BAG2: variants seen among roughly 807,000 people sequenced by gnomAD.
BAG2 encodes the protein BAG family molecular chaperone regulator 2.
BAG2 carries 8 observed loss-of-function variants against 16.4 expected under a neutral mutation model. The observed-to-expected ratio is 0.49, with a 90% CI of 0.29 to 0.88. The LOEUF is 0.88. Ranked by LOEUF, BAG2 falls within the 40% of genes least tolerant of loss-of-function variation. The probability of loss-of-function intolerance (pLI) is 0.09; values close to 1 mark genes in which losing one functional copy is unlikely to be tolerated. For missense variants in BAG2, 218 were observed against 248.9 expected, an observed-to-expected ratio of 0.88 and a Z score of 0.84; for synonymous variants, 82 against 89.2, an observed-to-expected ratio of 0.92 and a Z score of 0.46.
In BAG2 at chr6:57,185,365, A is replaced by C. The variant is rs1261377270; in HGVS notation, c.*1175A>C. ...GTAACTAGTCCTATTGATATACAAA[A>C]ACCACAACAACTTCCCTGGATACTA... On this transcript the variant is annotated 3_prime_UTR_variant, in exon 3 of 3. Coordinates refer to ENST00000370693, the MANE Select transcript of BAG2 (RefSeq NM_004282.4). The C allele has an allele frequency of 6.6e-6, 1 of 152,224 alleles. No individual in the cohort carries two copies. The highest frequency in any genetic ancestry group is 1.5e-5 in the Non-Finnish European group (1 of 68,036). The allele number at this position is 152,224 out of a possible 1,614,324, so 9.4% of individuals were successfully genotyped here.
In BAG2 at chr6:57,186,625, G is replaced by GTTC. The variant is rs1764619885; in HGVS notation, c.*2438_*2440dup. 6.6e-6 allele frequency: 1 copy of GTTC among 152,082 alleles called. No individual in the cohort carries two copies. The highest frequency in any genetic ancestry group is 6.5e-5 in the Admixed American group (1 of 15,284). 9.4% of individuals were successfully genotyped at this position (152,082 alleles called of 1,614,324 possible). A position where few individuals can be genotyped will look rare whatever the true frequency, so the allele number is the denominator to read the frequency against. Reference sequence around the variant, plus strand: ...GCCACCACGCTTGGCCAATGGGTTGGTTCTTAACATGTATTTTTATTTATA... The same window carrying GTTC: ...GCCACCACGCTTGGCCAATGGGTTGGTTCTTCTTAACATGTATTTTTATTTATA... On this transcript the variant is annotated 3_prime_UTR_variant, in exon 3 of 3. Transcript: ENST00000370693.
rs751539179 is a variant in BAG2 at position 57,183,820 on chromosome 6, G to A, written c.266G>A (p.Gly89Glu). ...ELNLTANRLM[G>E]RTLTVEVSVE... ...AATCTGACTGCAAACCGTTTGATGG[G>A]AAGAACTCTCACCGTTGAAGTGTCA... The change falls in exon 3 of 3, where the codon GGA becomes GAA. Residue 89 changes from glycine (G) to glutamate (E), a missense_variant. Physicochemically the swap from Gly to Glu is moderately conservative, Grantham distance 98. Transcript: ENST00000370693. The A allele has an allele frequency of 1.2e-6, 2 of 1,607,774 alleles. No homozygotes were observed. The highest frequency in any genetic ancestry group is 1.7e-6 in the Non-Finnish European group (2 of 1,177,744).
intron 1 of BAG2, among the ~76,000 whole-genome samples, chr6:57,179,508 T>A (rs923850004): frequency 6.6e-6 from 1 of 152,124 alleles, no homozygotes; most frequent in Non-Finnish European, 1.5e-5. Context: ...TTTTATGGAA[T>A]TGAACGTGCT....
rs935548196 is a variant in BAG2, at chr6:57,173,581, T to C, written c.113+771T>C. 5 of 835,912 alleles carry C rather than the reference T, an allele frequency of 6.0e-6. No individual in the cohort carries two copies. The Admixed American group carries it at 2.5e-4, about 41-fold the overall frequency. 51.8% of individuals were successfully genotyped at this position (835,912 alleles called of 1,614,324 possible). A position where few individuals can be genotyped will look rare whatever the true frequency, so the allele number is the denominator to read the frequency against. On this transcript the variant is annotated intron_variant, in intron 1 of 2. Coordinates refer to ENST00000370693, the MANE Select transcript of BAG2 (RefSeq NM_004282.4). ...TTTATTTGGTAATACAGTAGTAGACTTGTATAGAATTTCTAAACAATTTAA... is the reference window on the plus strand; with the variant it reads ...TTTATTTGGTAATACAGTAGTAGACCTGTATAGAATTTCTAAACAATTTAA...
At position 57,185,808 on chromosome 6, in the gene BAG2, G is replaced by GT. The variant is rs1420592283; in HGVS notation, c.*1619dup. On this transcript the variant is annotated 3_prime_UTR_variant, in exon 3 of 3. Transcript: ENST00000370693. Reference sequence around the variant, plus strand: ...AGGTTCTCAAGTATTGTCAGCATCCGTAAATCCCTTCCACTCTGGGAAATA... The same window carrying GT: ...AGGTTCTCAAGTATTGTCAGCATCCGTTAAATCCCTTCCACTCTGGGAAATA... 6.6e-6 allele frequency: 1 copy of GT among 152,164 alleles called. No individual in the cohort carries two copies. Among genetic ancestry groups the GT allele is most frequent in the East Asian group, 1.9e-4 (1 of 5,202 alleles). The allele number at this position is 152,164 out of a possible 1,614,324, so 9.4% of individuals were successfully genotyped here.
intron 1 of BAG2, among the ~76,000 whole-genome samples, chr6:57,177,047 A>G (rs936292528): frequency 3.3e-5 from 5 of 152,226 alleles, no homozygotes; most frequent in Non-Finnish European, 5.9e-5. Flanking sequence ...AGAATTTTAC[A>G]TTGCCTAAAA....
In BAG2 at chr6:57,189,277, T is replaced by C. The variant is rs1764738977; in HGVS notation, c.*5087T>C. 6.6e-6 allele frequency: 1 copy of C among 152,206 alleles called. No individual in the cohort carries two copies. The highest frequency in any genetic ancestry group is 2.1e-4 in the South Asian group (1 of 4,826). 9.4% of individuals were successfully genotyped at this position (152,206 alleles called of 1,614,324 possible). On this transcript the variant is annotated 3_prime_UTR_variant, in exon 3 of 3. Transcript: ENST00000370693. ...CAAGGTTATAGAAATGTTGAAGTGA[T>C]TGATAATCTTAAAATACCATACAAA...
At chr6:57,182,723 T>C (rs190303395) in intron 2 of BAG2, among the ~76,000 whole-genome samples, 1 of 152,272 alleles carries the variant, frequency 6.6e-6, no homozygotes, top group Admixed American at 6.5e-5. Context: ...CGATCTTGGC[T>C]CACTGCAACC....
chr6:57,179,022 GGT>G (rs1764363675), intron 1 of BAG2, among the ~76,000 whole-genome samples: 1 of 152,054 alleles, frequency 6.6e-6, no homozygotes, highest in African/African-American at 2.4e-5. Context: ...AAACCGAAAA[GGT>G]GTTGAAAAAT....
rs553248975 is a variant in BAG2, at chr6:57,182,244, A to G, written c.223+103A>G. ...GCTTGACTTTTGGTATGCGTACACCAGGCCACAGCATTTAATGTGAGCCAC... is the reference window on the plus strand; with the variant it reads ...GCTTGACTTTTGGTATGCGTACACCGGGCCACAGCATTTAATGTGAGCCAC... On this transcript the variant is annotated intron_variant, in intron 2 of 2. Coordinates refer to ENST00000370693, the MANE Select transcript of BAG2 (RefSeq NM_004282.4). 887 of 821,560 alleles carry G rather than the reference A, an allele frequency of 1.1e-3. 11 individuals are homozygous for G. Among genetic ancestry groups the G allele is most frequent in the South Asian group, 6.1e-3 (336 of 55,402 alleles). The allele number at this position is 821,560 out of a possible 1,614,324, so 50.9% of individuals were successfully genotyped here.
rs553332306 is a variant in BAG2 at position 57,172,647 on chromosome 6, T to G, written c.-51T>G. 1.4e-6 allele frequency: 2 copies of G among 1,409,232 alleles called. No homozygotes were observed. The highest frequency in any genetic ancestry group is 6.1e-5 in the East Asian group (2 of 32,822). 87.3% of individuals were successfully genotyped at this position (1,409,232 alleles called of 1,614,324 possible). ...GCAGCCCAAGGAGCGCTCCACTCGCTGCCGCCGGAGGGGCCGGTGACCTCT... is the reference window on the plus strand; with the variant it reads ...GCAGCCCAAGGAGCGCTCCACTCGCGGCCGCCGGAGGGGCCGGTGACCTCT... On this transcript the variant is annotated 5_prime_UTR_variant, in exon 1 of 3. Transcript: ENST00000370693.
chr6:57,174,274 A>C, intron 1 of BAG2: 1 of 1,295,760 alleles, frequency 7.7e-7, no homozygotes. Context: ...CAACCACTTC[A>C]TTCTCCTCTC....
At chr6:57,177,065 T>A (rs1326991878) in intron 1 of BAG2, among the ~76,000 whole-genome samples, 1 of 152,192 alleles carries the variant, frequency 6.6e-6, no homozygotes, top group Non-Finnish European at 1.5e-5. Flanking sequence ...AAAGTGATCA[T>A]TATAGCATTC....
intron 1 of BAG2, chr6:57,173,787 G>A (rs1764198843): frequency 1.3e-5 from 2 of 155,680 alleles, no homozygotes; most frequent in Admixed American, 6.5e-5. Flanking sequence ...GTTTTGTCTA[G>A]GTTGTGCATG....
rs577437584 is a variant in BAG2 at position 57,188,052 on chromosome 6, C to T, written c.*3862C>T. 2.3e-4 allele frequency: 35 copies of T among 152,096 alleles called. No individual in the cohort carries two copies. Among genetic ancestry groups the T allele is most frequent in the African/African-American group, 7.5e-4 (31 of 41,480 alleles). 9.4% of individuals were successfully genotyped at this position (152,096 alleles called of 1,614,324 possible). ...CAGTTATTCCACAGCGATATGTCTA[C>T]GCAAAAGATTAGCCGTAATGTTAAA... On this transcript the variant is annotated 3_prime_UTR_variant, in exon 3 of 3. Transcript: ENST00000370693.
chr6:57,181,904 C>A, intron 1 of BAG2, 128 bp from the exon 2 acceptor site: 3 of 724,608 alleles, frequency 4.1e-6, no homozygotes, highest in East Asian at 2.6e-5. Context: ...AATTTTAAAG[C>A]AGAAATGAAG....
At chr6:57,181,988 A>C (rs1424398513) in intron 1 of BAG2, 44 bp from the exon 2 acceptor site, 18 of 1,518,278 alleles carry the variant, frequency 1.2e-5, no homozygotes, top group Non-Finnish European at 1.5e-5. Context: ...AATAGGAAGA[A>C]CATCCTGCAT....
At chr6:57,176,953 C>G (rs1249193354) in intron 1 of BAG2, among the ~76,000 whole-genome samples, 1 of 152,138 alleles carries the variant, frequency 6.6e-6, no homozygotes, top group Non-Finnish European at 1.5e-5. Context: ...GCTCTTCACA[C>G]TAAAAACACT....
intron 1 of BAG2, among the ~76,000 whole-genome samples, chr6:57,175,140 C>CCT (rs554736918): frequency 2.6e-4 from 40 of 152,274 alleles, no homozygotes; most frequent in African/African-American, 8.7e-4. Flanking sequence ...CCCTTTTCTC[C>CCT]GTTTTGACGA....
Sources: allele counts gnomAD v4.1 joint callset (sites outside exome capture counted in the v4.1 genomes callset), GRCh38; gene constraint gnomAD v4.1.1; transcripts MANE v1.5; gene names NCBI Gene and HGNC (gene_info 2026-07-23, HGNC 2026-07-21).